Variants in DEPDC1 observed in about 807,000 individuals in gnomAD.
DEPDC1 encodes DEP domain-containing protein 1A.
DEPDC1 carries 66 observed loss-of-function variants against 86.8 expected under a neutral mutation model. The observed-to-expected ratio is 0.76, with a 90% CI of 0.62 to 0.93. DEPDC1 has a LOEUF of 0.93. Ranked by LOEUF, DEPDC1 falls within the 40% of genes least tolerant of loss-of-function variation. DEPDC1 has a pLI of 0.00. For synonymous variants in DEPDC1, 255 were observed against 314.9 expected (o/e 0.81, Z 2.02); for missense variants, 792 against 935.7 (o/e 0.85, Z 2.00).
At chr1:68,479,947 A>C (rs1646144036) in intron 9 of DEPDC1, among the ~76,000 whole-genome samples, 1 of 152,044 alleles carries the variant, frequency 6.6e-6, no homozygotes, top group Non-Finnish European at 1.5e-5. Flanking sequence ...CTTAAGCTTA[A>C]AGATTGTCAG....
Position 68,481,508 on chromosome 1 carries a change from T to C in DEPDC1, c.1867A>G (p.Met623Val), listed in dbSNP as rs1646155143. The C allele has an allele frequency of 6.2e-7, 1 of 1,612,378 alleles. No homozygotes were observed. Among genetic ancestry groups the C allele is most frequent in the African/African-American group, 1.3e-5 (1 of 74,822 alleles). The stretch of plus-strand genomic sequence containing the variant: ...ACATTTTGACTCATTCGGGAAATCA[T>C]ACGCATTAAAAGTTGAAGCTTTCTA... ...NRRKLQLLMR[M>V]ISRMSQNVDM... Residue 623 changes from methionine (M) to valine (V), a missense_variant, in exon 9 of 12, where the codon ATG becomes GTG. Physicochemically the swap from Met to Val is conservative, Grantham distance 21. Coordinates refer to ENST00000456315, the MANE Select transcript of DEPDC1 (RefSeq NM_001114120.3).
intron 9 of DEPDC1, among the ~76,000 whole-genome samples, chr1:68,479,807 G>GAA (rs61536358): frequency 1.3e-4 from 14 of 108,832 alleles, no homozygotes; most frequent in African/African-American, 2.3e-4. Flanking sequence ...TGTGTAACCA[G>GAA]AAAAAAAAAA....
rs181962816 is a variant in DEPDC1 at position 68,482,236 on chromosome 1, A to G, written c.1572T>C (p.Tyr524=). 2,405 of 1,612,924 alleles carry G rather than the reference A, an allele frequency of 1.5e-3. 3 individuals carry two copies. Among genetic ancestry groups the G allele is most frequent in the Admixed American group, 2.4e-3 (142 of 59,874 alleles). Residue 524 remains tyrosine, a synonymous_variant, in exon 8 of 12, where the codon TAT becomes TAC. Coordinates refer to ENST00000456315, the MANE Select transcript of DEPDC1 (RefSeq NM_001114120.3). ...TAATTTCAGCCACTGGTGTATTGAT[A>G]TAACTATTCCTTCTTGTACTACTTC... The part of the protein sequence containing the change: ...LLRSSTRRNS[Y]INTPVAEIIM...
At chr1:68,477,262 T>G (rs1464403147) in intron 11 of DEPDC1, among the ~76,000 whole-genome samples, 193 bp from the exon 12 acceptor site, 1 of 151,772 alleles carries the variant, frequency 6.6e-6, no homozygotes, top group African/African-American at 2.4e-5. Context: ...CTCATTAACA[T>G]TAACATTTTA....
chr1:68,483,925 T>C (rs745841545), intron 7 of DEPDC1, 25 bp downstream of exon 7: 20 of 1,344,526 alleles, frequency 1.5e-5, no homozygotes, highest in South Asian at 3.3e-5. Flanking sequence ...CAAAATGAAC[T>C]AAAATCAGTA....
chr1:68,487,559 A>T (rs1646200913), intron 5 of DEPDC1, among the ~76,000 whole-genome samples: 1 of 151,984 alleles, frequency 6.6e-6, no homozygotes, highest in Non-Finnish European at 1.5e-5. Context: ...TGTTAACCAT[A>T]TTATTTTAGG....
chr1:68,484,977 C>A (rs1646183548), intron 6 of DEPDC1, among the ~76,000 whole-genome samples: 2 of 151,408 alleles, frequency 1.3e-5, no homozygotes, highest in South Asian at 4.1e-4. Context: ...TCCTGACCTA[C>A]AGAATCTCTG....
chr1:68,484,429 A>C (rs1571199265), intron 6 of DEPDC1, among the ~76,000 whole-genome samples: 1 of 152,166 alleles, frequency 6.6e-6, no homozygotes, highest in South Asian at 2.1e-4. Flanking sequence ...AACACAAATA[A>C]TTCCTTCAAA....
intron 2 of DEPDC1, among the ~76,000 whole-genome samples, chr1:68,492,753 G>T (rs112439753): frequency 0.024 from 3,675 of 152,196 alleles, 64 homozygotes; most frequent in African/African-American, 0.032. Context: ...ACAAAAAGAA[G>T]ATTCATCTTG....
Position 68,486,943 on chromosome 1 carries a change from C to T in DEPDC1, c.763G>A (p.Ala255Thr). The change falls in exon 6 of 12, where the codon GCA (alanine) becomes ACA (threonine). Residue 255 changes from alanine to threonine, a missense_variant. Transcript: ENST00000456315. ...HWVLSAMKCL[A>T]NWPRSNDMNN... ...ACACATATATTTAACTTACAATTTG[C>T]TAGGCACTTCATGGCAGATAATACC... 6.3e-7 allele frequency: 1 copy of T among 1,595,572 alleles called. No individual in the cohort carries two copies. The highest frequency in any genetic ancestry group is 8.5e-7 in the Non-Finnish European group (1 of 1,171,800).
chr1:68,488,872 T>C, intron 4 of DEPDC1, 44 bp downstream of exon 4: 2 of 1,151,282 alleles, frequency 1.7e-6, no homozygotes, highest in Non-Finnish European at 2.6e-6. Flanking sequence ...AAATTAATAA[T>C]CAGAACACAT....
chr1:68,494,277 T>A (rs1646248652), intron 2 of DEPDC1, among the ~76,000 whole-genome samples, 153 bp downstream of exon 2: 1 of 152,224 alleles, frequency 6.6e-6, no homozygotes, highest in Non-Finnish European at 1.5e-5. Context: ...CATTACAATT[T>A]TTCTAAATGA....
intron 5 of DEPDC1, among the ~76,000 whole-genome samples, chr1:68,487,386 G>T (rs1195770151): frequency 6.6e-6 from 1 of 151,826 alleles, no homozygotes; most frequent in African/African-American, 2.4e-5. Flanking sequence ...ATTTGGGTGA[G>T]ACCTAAGATT....
At chr1:68,483,390 T>C in intron 7 of DEPDC1, 2 of 487,246 alleles carry the variant, frequency 4.1e-6, no homozygotes, top group East Asian at 5.6e-5. Context: ...GGGCCGGCCA[T>C]GGTTTGAATT....
chr1:68,482,815 A>C lies in DEPDC1; in HGVS notation c.993T>G (p.Leu331=). Residue 331 remains leucine, a synonymous_variant, in exon 8 of 12, where the codon CTT becomes CTG. Transcript: ENST00000456315. ...IQDDPQSSKF[L]HLNNLNSFKS... ...TGAAGGAATTCAAATTGTTTAAGTGAAGGAATTTTGAAGACTGTGGATCAT... is the reference window on the plus strand; with the variant it reads ...TGAAGGAATTCAAATTGTTTAAGTGCAGGAATTTTGAAGACTGTGGATCAT... 1 of 1,612,186 alleles carries C rather than the reference A, an allele frequency of 6.2e-7. No homozygotes were observed.
At chr1:68,487,992 T>C (rs934127179) in intron 5 of DEPDC1, among the ~76,000 whole-genome samples, 3 of 151,914 alleles carry the variant, frequency 2.0e-5, no homozygotes, top group Admixed American at 1.3e-4. Context: ...TAACTACTCA[T>C]GTAAGCCTCA....
chr1:68,486,683 TTATAA>T (rs759450545), intron 6 of DEPDC1, among the ~76,000 whole-genome samples: 9 of 152,066 alleles, frequency 5.9e-5, no homozygotes, highest in Middle Eastern at 3.4e-3. Flanking sequence ...GGCTATGACT[TTATAA>T]TATATGTGAA....
chr1:68,481,475 G>T lies in DEPDC1; in HGVS notation c.1900C>A (p.Pro634Thr), dbSNP rs768109533. Reference protein sequence around the residue: ...ISRMSQNVDMPKLHDAMGTRS... With the variant: ...ISRMSQNVDMTKLHDAMGTRS... ...GTACCCATTGCATCATGAAGTTTGG[G>T]CATATCAACATTTTGACTCATTCGG... The change falls in exon 9 of 12, where the codon CCC becomes ACC. Residue 634 changes from proline (P) to threonine (T), a missense_variant. Coordinates refer to ENST00000456315, the MANE Select transcript of DEPDC1 (RefSeq NM_001114120.3). The T allele has an allele frequency of 1.9e-6, 3 of 1,612,146 alleles. No homozygotes were observed. The highest frequency in any genetic ancestry group is 2.5e-6 in the Non-Finnish European group (3 of 1,178,940).
At position 68,481,490 on chromosome 1, in the gene DEPDC1, G is replaced by T. The variant is rs761597392; in HGVS notation, c.1885C>A (p.Gln629Lys). 14 of 1,612,376 alleles carry T rather than the reference G, an allele frequency of 8.7e-6. No individual in the cohort carries two copies. The highest frequency in any genetic ancestry group is 1.1e-5 in the Non-Finnish European group (13 of 1,179,048). The change falls in exon 9 of 12, where the codon CAA becomes AAA. Residue 629 changes from glutamine (Q) to lysine (K), a missense_variant. Transcript: ENST00000456315. ...LLMRMISRMS[Q>K]NVDMPKLHDA... is the part of the protein sequence containing the mutation. ...TGAAGTTTGGGCATATCAACATTTT[G>T]ACTCATTCGGGAAATCATACGCATT...
Sources: allele counts gnomAD v4.1 joint callset (sites outside exome capture counted in the v4.1 genomes callset), GRCh38; gene constraint gnomAD v4.1.1; transcripts MANE v1.5; gene names NCBI Gene and HGNC (gene_info 2026-07-23, HGNC 2026-07-21).